The following A2ML1 variants were observed in gnomAD, a reference collection of about 807,000 sequenced individuals.
A2ML1 encodes the protein alpha-2-macroglobulin like 1.
A neutral mutation model predicts 181.9 loss-of-function variants in A2ML1; 161 were observed. The observed-to-expected ratio is 0.89, with a 90% CI of 0.78 to 1.01. The LOEUF is 1.01. Among genes scored for constraint, A2ML1 ranks in the 50% least tolerant of loss-of-function variants. A2ML1 has a pLI of 0.00. For synonymous variants in A2ML1, 663 were observed against 666.8 expected (o/e 0.99, Z 0.09); for missense variants, 1,670 against 1,768.1 (o/e 0.94, Z 1.00).
rs1944353209 is a variant in A2ML1, at chr12:8,863,888, T to C, written c.3597T>C (p.Tyr1199=). ...PAAVDVELTA[Y]ALLAQLTKPS... is the part of the protein sequence containing the mutation. ...CTGTAGATGTGGAACTCACAGCATA[T>C]GCATTGTTGGCCCAGCTTACCAAGC... The change falls in exon 29 of 36, where the codon TAT becomes TAC. Residue 1199 remains tyrosine (Y), a synonymous_variant. Transcript: ENST00000299698. The C allele has an allele frequency of 2.5e-6, 4 of 1,614,202 alleles. No homozygotes were observed. Among genetic ancestry groups the C allele is most frequent in the Non-Finnish European group, 3.4e-6 (4 of 1,180,026 alleles).
At chr12:8,880,843 A>G (rs1565500398), downstream of A2ML1, among the ~76,000 whole-genome samples, 1 of 152,180 alleles carries the variant, frequency 6.6e-6, no homozygotes, top group Non-Finnish European at 1.5e-5. Flanking sequence ...GCAGCAAACA[A>G]AAGAGTCATA....
rs762795796 is a variant in A2ML1, at chr12:8,838,393, G to A, written c.913G>A (p.Gly305Arg). 5.0e-6 allele frequency: 8 copies of A among 1,613,918 alleles called. No individual in the cohort carries two copies. The Admixed American group carries it at 1.3e-4, about 27-fold the overall frequency. Reference sequence around the variant, plus strand: ...GGACATGGCCACCTTTGACCTCATTGGATATGCGTACAGCCATCAAATCAA... The same window carrying A: ...GGACATGGCCACCTTTGACCTCATTAGATATGCGTACAGCCATCAAATCAA... ...PVDMATFDLI[G>R]YAYSHQINIV... Residue 305 changes from glycine (G) to arginine (R), a missense_variant, in exon 9 of 36, where the codon GGA becomes AGA. Physicochemically the swap from Gly to Arg is moderately radical, Grantham distance 125. Coordinates refer to ENST00000299698, the MANE Select transcript of A2ML1 (RefSeq NM_144670.6).
At chr12:8,856,551 A>G (rs1259638714) in intron 23 of A2ML1, among the ~76,000 whole-genome samples, 1 of 152,196 alleles carries the variant, frequency 6.6e-6, no homozygotes, top group Non-Finnish European at 1.5e-5. Context: ...AAAGAGTGTC[A>G]GAACTGTGTT....
At chr12:8,854,657 CTT>C in intron 21 of A2ML1, 121 bp from the exon 22 acceptor site, 1 of 1,008,694 alleles carries the variant, frequency 9.9e-7, no homozygotes. Flanking sequence ...GTGAGAAGCT[CTT>C]GTCTGCAGTT....
chr12:8,833,007 T>A (rs909320654), intron 4 of A2ML1, among the ~76,000 whole-genome samples: 2 of 149,672 alleles, frequency 1.3e-5, no homozygotes, highest in African/African-American at 4.9e-5. Context: ...GGAGTTTCGC[T>A]GCGTTGCCCA....
intron 32 of A2ML1, among the ~76,000 whole-genome samples, 157 bp downstream of exon 32, chr12:8,868,784 G>A (rs1944520977): frequency 6.6e-6 from 1 of 151,848 alleles, no homozygotes; most frequent in Middle Eastern, 3.4e-3. Flanking sequence ...ATGTACACTT[G>A]TAAGAAAAGT....
chr12:8,868,053 T>C lies in A2ML1; in HGVS notation c.3929T>C (p.Val1310Ala). The C allele has an allele frequency of 6.2e-7, 1 of 1,614,054 alleles. No homozygotes were observed. ...GCCTCAGGCCAGGGCTGTGTCTATG[T>C]GCAGGTAAGTAGAGATCCATGAGAA... ...LEASGQGCVY[V>A]QTVLRYNILP... Residue 1310 changes from valine to alanine, a missense_variant, in exon 30 of 36, where the codon GTG (valine) becomes GCG (alanine). By Grantham distance (64) the Val-to-Ala change is moderately conservative (BLOSUM62 0). Transcript: ENST00000299698.
downstream of A2ML1, among the ~76,000 whole-genome samples, chr12:8,881,740 G>A (rs933222246): frequency 1.3e-5 from 2 of 152,170 alleles, no homozygotes; most frequent in Non-Finnish European, 2.9e-5. Flanking sequence ...GGCTGGGTGT[G>A]GTGGCTCACA....
chr12:8,855,495 T>C lies in A2ML1; in HGVS notation c.2765-14T>C, dbSNP rs1021071670. The C allele has an allele frequency of 1.2e-6, 2 of 1,613,820 alleles. No individual in the cohort carries two copies. Among genetic ancestry groups the C allele is most frequent in the Non-Finnish European group, 1.7e-6 (2 of 1,179,778 alleles). On this transcript the variant is annotated splice_polypyrimidine_tract_variant and intron_variant, in intron 22 of 35. Coordinates refer to ENST00000299698, the MANE Select transcript of A2ML1 (RefSeq NM_144670.6). ...CATCTTCTATTGTGTCACCTTTTTT[T>C]CTGCATCTCACAGGAAAGGTGGCAT...
intron 3 of A2ML1, among the ~76,000 whole-genome samples, chr12:8,825,674 A>G (rs1942905654): frequency 6.6e-6 from 1 of 152,178 alleles, no homozygotes; most frequent in South Asian, 2.1e-4. Context: ...GCCCAGACCA[A>G]TGTTCTGGAG....
At chr12:8,854,896 A>ATTT (rs397850452) in intron 22 of A2ML1, 65 bp downstream of exon 22, 8,139 of 1,287,648 alleles carry the variant, frequency 6.3e-3, no homozygotes, top group Non-Finnish European at 7.0e-3. Context: ...TTTTCTTTTC[A>ATTT]TTTTTTTTTT....
intron 16 of A2ML1, 37 bp downstream of exon 16, chr12:8,848,951 A>T: frequency 6.3e-7 from 1 of 1,585,526 alleles, no homozygotes; most frequent in South Asian, 1.2e-5. Context: ...TATGGGAAAG[A>T]TGGTGGTGGG....
chr12:8,825,691 C>T (rs1229553326), intron 3 of A2ML1, among the ~76,000 whole-genome samples: 1 of 151,942 alleles, frequency 6.6e-6, no homozygotes, highest in Non-Finnish European at 1.5e-5. Flanking sequence ...GGAGAGTTTC[C>T]CCAAAGTTTT....
chr12:8,845,416 G>A, intron 12 of A2ML1, 26 bp from the exon 13 acceptor site: 2 of 1,612,110 alleles, frequency 1.2e-6, no homozygotes, highest in Non-Finnish European at 1.7e-6. Flanking sequence ...CTTCTGTGCA[G>A]TTGATTCTTT....
intron 14 of A2ML1, among the ~76,000 whole-genome samples, chr12:8,847,098 CTTTTTTT>C (rs1212257948): frequency 2.1e-5 from 2 of 93,302 alleles, no homozygotes; most frequent in Non-Finnish European, 4.1e-5. Context: ...CCATGCCTGG[CTTTTTTT>C]TTTTTTTTTT....
At chr12:8,849,371 G>A (rs1435322537) in intron 16 of A2ML1, among the ~76,000 whole-genome samples, 1 of 152,150 alleles carries the variant, frequency 6.6e-6, no homozygotes, top group Admixed American at 6.6e-5. Context: ...CGCTGATATG[G>A]TCCCTACCCT....
chr12:8,843,484 T>A, intron 12 of A2ML1, 123 bp downstream of exon 12: 1 of 826,346 alleles, frequency 1.2e-6, no homozygotes, highest in Non-Finnish European at 1.8e-6. Context: ...AAAACAATTT[T>A]AAAGCCACAC....
rs756460452 is a variant in A2ML1 at position 8,835,555 on chromosome 12, C to G, written c.532C>G (p.Gln178Glu). The G allele has an allele frequency of 8.7e-6, 14 of 1,614,062 alleles. No individual in the cohort carries two copies. In the Admixed American group the frequency reaches 1.8e-4, roughly 21 times the overall value. ...ACAGTGGCTGGAAGTGGTACCTGAGCAAGGCATTGTAGACCTGTCCTTCCA... is the reference window on the plus strand; with the variant it reads ...ACAGTGGCTGGAAGTGGTACCTGAGGAAGGCATTGTAGACCTGTCCTTCCA... ...IAQWLEVVPEQGIVDLSFQLA... is the reference protein window; with the variant it reads ...IAQWLEVVPEEGIVDLSFQLA... The change falls in exon 6 of 36, where the codon CAA (glutamine) becomes GAA (glutamate). Residue 178 changes from glutamine (Q) to glutamate (E), a missense_variant. Physicochemically the swap from Gln to Glu is conservative, Grantham distance 29. Coordinates refer to ENST00000299698, the MANE Select transcript of A2ML1 (RefSeq NM_144670.6).
rs746881307 is a variant in A2ML1 at position 8,824,504 on chromosome 12, T to A, written c.409+622T>A. ...TTTCCTTGTATTACAAACAATCCAA[T>A]TATACTCTCTTAGTAATTTTTAAAT... On this transcript the variant is annotated intron_variant, in intron 3 of 35. Coordinates refer to ENST00000299698, the MANE Select transcript of A2ML1 (RefSeq NM_144670.6). 2.6e-5 allele frequency among the ~76,000 whole-genome samples: 4 copies of A among 152,138 alleles called. No homozygotes were observed. The East Asian group carries it at 7.7e-4, about 29-fold the overall frequency.
Sources: gnomAD v4.1 joint callset for allele counts (sites outside exome capture counted in the v4.1 genomes callset) on GRCh38, gnomAD v4.1.1 for gene constraint, MANE v1.5 for transcripts, NCBI Gene and HGNC (gene_info 2026-07-23, HGNC 2026-07-21) for gene names.